The following TRAPPC8 variants were observed in gnomAD, a reference collection of about 807,000 sequenced individuals.
TRAPPC8 encodes the protein trafficking protein particle complex subunit 8.
A neutral mutation model predicts 174.3 loss-of-function variants in TRAPPC8; 54 were observed. The observed-to-expected ratio is 0.31, with a 90% confidence interval of 0.25 to 0.39. The LOEUF (loss-of-function observed/expected upper bound fraction) is 0.39, where lower values mean the gene tolerates loss of function less well. Among genes scored for constraint, TRAPPC8 ranks in the 10% least tolerant of loss-of-function variants. The pLI is 1.00. For synonymous variants in TRAPPC8, 630 were observed against 579.9 expected (o/e 1.09, Z -1.24); for missense variants, 1,531 against 1,699.1 (o/e 0.90, Z 1.74).
intron 2 of TRAPPC8, among the ~76,000 whole-genome samples, chr18:31,921,695 G>C (rs1401755712): frequency 6.6e-6 from 1 of 151,696 alleles, no homozygotes; most frequent in African/African-American, 2.4e-5. Context: ...GTCAACCTCA[G>C]AGCTTTCTGC....
At chr18:31,864,382 TA>T (rs1338588876) in intron 19 of TRAPPC8, among the ~76,000 whole-genome samples, 1 of 152,102 alleles carries the variant, frequency 6.6e-6, no homozygotes, top group Non-Finnish European at 1.5e-5. Context: ...GTGGATTTTT[TA>T]GAAGTATTTT....
intron 12 of TRAPPC8, among the ~76,000 whole-genome samples, chr18:31,881,717 C>T (rs1208265234): frequency 6.6e-6 from 1 of 151,902 alleles, no homozygotes; most frequent in African/African-American, 2.4e-5. Flanking sequence ...CGTCCAAAAT[C>T]TGAGAAAATA....
chr18:31,935,364 C>CAAAAAAAA (rs10646414), intron 1 of TRAPPC8, among the ~76,000 whole-genome samples: 23,437 of 107,630 alleles, frequency 0.22, 3,499 homozygotes, highest in Middle Eastern at 0.32. Context: ...ACAAACAAAC[C>CAAAAAAAA]AAAAAAAAAA....
chr18:31,905,353 C>T lies in TRAPPC8; in HGVS notation c.1389+2107G>A, dbSNP rs766119611. Among the ~76,000 whole-genome samples the T allele has an allele frequency of 6.0e-4, 91 of 152,124 alleles. 1 individual carries two copies. Among genetic ancestry groups the T allele is most frequent in the Non-Finnish European group, 1.2e-3 (83 of 68,014 alleles). On this transcript the variant is annotated intron_variant, in intron 9 of 28. Transcript: ENST00000283351. ...AGCTCAGCTGCTGCACAGAAAGGCGCTCTTTCAGCTGCTAAAAACTGAATG... is the reference window on the plus strand; with the variant it reads ...AGCTCAGCTGCTGCACAGAAAGGCGTTCTTTCAGCTGCTAAAAACTGAATG...
At chr18:31,888,853 A>C (rs2035835686) in intron 12 of TRAPPC8, among the ~76,000 whole-genome samples, 1 of 152,172 alleles carries the variant, frequency 6.6e-6, no homozygotes, top group Non-Finnish European at 1.5e-5. Flanking sequence ...GCAGCAAACC[A>C]CCATGGCACA....
At chr18:31,902,618 G>C (rs1042455166) in intron 9 of TRAPPC8, among the ~76,000 whole-genome samples, 1 of 152,110 alleles carries the variant, frequency 6.6e-6, no homozygotes, top group Non-Finnish European at 1.5e-5. Context: ...ATCTGTTATA[G>C]AGACAAAGGG....
At chr18:31,841,039 TG>T (rs2033066704) in intron 26 of TRAPPC8, among the ~76,000 whole-genome samples, 1 of 152,030 alleles carries the variant, frequency 6.6e-6, no homozygotes, top group Non-Finnish European at 1.5e-5. Flanking sequence ...CCACAAAATA[TG>T]TAAAAAGCAA....
At chr18:31,942,587 A>T (rs1345681171) in intron 1 of TRAPPC8, 21 bp downstream of exon 1, 21 of 1,510,720 alleles carry the variant, frequency 1.4e-5, no homozygotes, top group Non-Finnish European at 1.7e-5. Flanking sequence ...AGCCCACTGG[A>T]AAAGGGAGGA....
Position 31,909,770 on chromosome 18 carries a change from T to C in TRAPPC8, c.772-10A>G. ...CATCTTCATATGATTCCTATCAAAA[T>C]AAAATTTAAAAAGCATTAGCAGTTA... On this transcript the variant is annotated splice_polypyrimidine_tract_variant and intron_variant, in intron 5 of 28. Transcript: ENST00000283351. 1 of 1,529,472 alleles carries C rather than the reference T, an allele frequency of 6.5e-7. No homozygotes were observed. Among genetic ancestry groups the C allele is most frequent in the African/African-American group, 1.4e-5 (1 of 71,086 alleles). The allele number at this position is 1,529,472 out of a possible 1,614,324, so 94.7% of individuals were successfully genotyped here. A position where few individuals can be genotyped will look rare whatever the true frequency, so the allele number is the denominator to read the frequency against.
intron 12 of TRAPPC8, among the ~76,000 whole-genome samples, chr18:31,875,740 T>C (rs935706642): frequency 6.6e-6 from 1 of 152,172 alleles, no homozygotes; most frequent in Non-Finnish European, 1.5e-5. Context: ...TGCCAAAATC[T>C]TACAAGTATT....
intron 26 of TRAPPC8, 50 bp from the exon 27 acceptor site, chr18:31,839,507 A>C: frequency 2.9e-6 from 1 of 348,074 alleles, no homozygotes; most frequent in Non-Finnish European, 4.2e-6. Context: ...TACCTTGTTT[A>C]AAAAAAAAAA....
Position 31,849,145 on chromosome 18 carries a change from C to T in TRAPPC8, c.3735+421G>A, listed in dbSNP as rs568958079. Among the ~76,000 whole-genome samples the T allele has an allele frequency of 9.9e-5, 15 of 151,972 alleles. No individual in the cohort carries two copies. The East Asian group carries it at 1.9e-3, about 20-fold the overall frequency. On this transcript the variant is annotated intron_variant, in intron 25 of 28. Transcript: ENST00000283351. ...GAAATATGTCATTTTAAAAATACTA[C>T]AGCAAAAAAATTAACAATAAAAGAG...
At chr18:31,923,065 A>AG (rs1348680188) in intron 2 of TRAPPC8, among the ~76,000 whole-genome samples, 1 of 152,248 alleles carries the variant, frequency 6.6e-6, no homozygotes, top group Non-Finnish European at 1.5e-5. Flanking sequence ...TTACCTGGTA[A>AG]GGAAGGGTAA....
chr18:31,900,883 A>T (rs2036392256), intron 10 of TRAPPC8, 42 bp downstream of exon 10: 1 of 1,421,518 alleles, frequency 7.0e-7, no homozygotes. Flanking sequence ...GAACAAACTG[A>T]CCTTTAACTG....
chr18:31,838,326 CCT>C (rs1431768220), intron 27 of TRAPPC8, among the ~76,000 whole-genome samples: 1 of 152,124 alleles, frequency 6.6e-6, no homozygotes, highest in African/African-American at 2.4e-5. Context: ...ATAACTACCC[CCT>C]GAAATGGAGG....
intron 2 of TRAPPC8, among the ~76,000 whole-genome samples, chr18:31,927,573 T>A (rs71361358): frequency 0.14 from 20,766 of 151,924 alleles, 1,930 homozygotes; most frequent in Middle Eastern, 0.22. Context: ...TAATTTTTTT[T>A]AAAAAATTTT....
chr18:31,840,163 A>G (rs560972773), intron 26 of TRAPPC8, among the ~76,000 whole-genome samples: 55 of 152,312 alleles, frequency 3.6e-4, no homozygotes, highest in African/African-American at 1.2e-3. Context: ...GTTGGAGGTT[A>G]GCCTGGCCAA....
rs144631256 is a variant in TRAPPC8 at position 31,904,180 on chromosome 18, A to C, written c.1390-3155T>G. ...TGAGCCCAGGAGGTGGAGGCTGCAT[A>C]AACTGTCATCGCACTACTGCACTCC... On this transcript the variant is annotated intron_variant, in intron 9 of 28. Coordinates refer to ENST00000283351, the MANE Select transcript of TRAPPC8 (RefSeq NM_014939.5). Among the ~76,000 whole-genome samples, 855 of 151,888 alleles carry C rather than the reference A, an allele frequency of 5.6e-3. 6 individuals are homozygous for C. The highest frequency in any genetic ancestry group is 0.02 in the African/African-American group (814 of 41,432).
intron 12 of TRAPPC8, among the ~76,000 whole-genome samples, chr18:31,880,080 TGAAA>T (rs1568082444): frequency 2.3e-5 from 1 of 44,372 alleles, no homozygotes; most frequent in Non-Finnish European, 4.0e-5. Flanking sequence ...CTGAAACTAT[TGAAA>T]AAAAAAATAT....
Sources: allele counts gnomAD v4.1 joint callset (sites outside exome capture counted in the v4.1 genomes callset), GRCh38; gene constraint gnomAD v4.1.1; transcripts MANE v1.5; gene names NCBI Gene and HGNC (gene_info 2026-07-23, HGNC 2026-07-21).